The following ERC1 variants were observed in gnomAD, a reference collection of about 807,000 sequenced individuals.
The protein encoded by ERC1 is ELKS/RAB6-interacting/CAST family member 1.
In ERC1, 56 loss-of-function variants were observed where a neutral mutation model predicts 132.0. That is an observed-to-expected ratio of 0.42 (90% CI 0.34 to 0.53). The LOEUF (loss-of-function observed/expected upper bound fraction) is 0.53. ERC1 is among the 20% of genes least tolerant of loss of function. The pLI is 0.03. For missense variants in ERC1, 1,202 were observed against 1,349.9 expected (o/e 0.89, Z 1.72); for synonymous variants, 478 against 476.1 (o/e 1.00, Z -0.05).
At chr12:1,018,244 C>T (rs1199169400) in intron 1 of ERC1, among the ~76,000 whole-genome samples, 1 of 152,102 alleles carries the variant, frequency 6.6e-6, no homozygotes, top group South Asian at 2.1e-4. Context: ...CTCTGTTGCC[C>T]AGGCTGGAGT....
At chr12:1,362,788 G>A (rs936925171) in intron 15 of ERC1, among the ~76,000 whole-genome samples, 3 of 152,048 alleles carry the variant, frequency 2.0e-5, no homozygotes, top group Admixed American at 6.6e-5. Flanking sequence ...TATGGATGGC[G>A]GTGACAGTTG....
intron 15 of ERC1, among the ~76,000 whole-genome samples, chr12:1,369,036 A>G (rs1301036391): frequency 6.6e-6 from 1 of 152,184 alleles, no homozygotes; most frequent in Non-Finnish European, 1.5e-5. Flanking sequence ...TGTATAGTCC[A>G]TAGCATATTA....
chr12:1,023,972 G>A (rs1037400814), intron 1 of ERC1, among the ~76,000 whole-genome samples: 2 of 152,192 alleles, frequency 1.3e-5, no homozygotes, highest in African/African-American at 4.8e-5. Context: ...GTTAAGGATG[G>A]TTGTTGCTGT....
intron 15 of ERC1, among the ~76,000 whole-genome samples, chr12:1,309,714 C>CTT (rs201086756): frequency 3.0e-5 from 4 of 135,294 alleles, no homozygotes; most frequent in Non-Finnish European, 6.3e-5. Context: ...TGCACTCTGA[C>CTT]TTTTTTTTTT....
chr12:1,372,044 T>C (rs2087300865), intron 16 of ERC1, 67 bp downstream of exon 16: 2 of 1,558,644 alleles, frequency 1.3e-6, no homozygotes, highest in East Asian at 4.5e-5. Context: ...CACAGGTCTT[T>C]GCCAGCTTGT....
chr12:1,134,926 C>G (rs187433577), intron 7 of ERC1, among the ~76,000 whole-genome samples: 7 of 152,158 alleles, frequency 4.6e-5, no homozygotes, highest in Non-Finnish European at 1.0e-4. Flanking sequence ...CAAGGTTTCT[C>G]CCTGTTGGTC....
At chr12:1,364,416 C>T (rs1251929665) in intron 15 of ERC1, among the ~76,000 whole-genome samples, 3 of 152,186 alleles carry the variant, frequency 2.0e-5, no homozygotes, top group African/African-American at 7.2e-5. Context: ...TGTGTACCCT[C>T]TGCCTGCTGG....
intron 8 of ERC1, among the ~76,000 whole-genome samples, chr12:1,179,652 C>T (rs200086274): frequency 4.9e-3 from 682 of 137,922 alleles, no homozygotes; most frequent in Non-Finnish European, 5.7e-3. Context: ...GGACTACAGG[C>T]GCCCGCCACT....
At chr12:1,322,820 A>G (rs943845489) in intron 15 of ERC1, among the ~76,000 whole-genome samples, 1 of 152,222 alleles carries the variant, frequency 6.6e-6, no homozygotes, top group Middle Eastern at 3.4e-3. Context: ...TAATTTGTCC[A>G]TTTTAGAACA....
chr12:1,354,554 G>C (rs2154368037), intron 15 of ERC1, among the ~76,000 whole-genome samples: 1 of 152,066 alleles, frequency 6.6e-6, no homozygotes, highest in East Asian at 1.9e-4. Context: ...AAGGTGCCTA[G>C]TAGAATATCT....
chr12:1,037,295 T>C (rs1235707429), intron 2 of ERC1, among the ~76,000 whole-genome samples: 1 of 152,190 alleles, frequency 6.6e-6, no homozygotes, highest in Non-Finnish European at 1.5e-5. Flanking sequence ...GAAATAAAAT[T>C]GTTTTTAGAG....
Position 1,246,972 on chromosome 12 carries a change from A to G in ERC1, c.2487+10068A>G, listed in dbSNP as rs564878285. Among the ~76,000 whole-genome samples the G allele has an allele frequency of 2.6e-3, 399 of 152,306 alleles. 2 individuals carry two copies. The highest frequency in any genetic ancestry group is 2.5e-3 in the Non-Finnish European group (168 of 68,016). On this transcript the variant is annotated intron_variant, in intron 13 of 18. Coordinates refer to ENST00000360905, the MANE Select transcript of ERC1 (RefSeq NM_178040.4). ...ATTAAAGCAGATTTCAGGAAAAGGA[A>G]CAGAAAATTAGCTGGGTATAGTGGT...
At chr12:1,485,975 A>G (rs1247755151) in intron 18 of ERC1, among the ~76,000 whole-genome samples, 2 of 152,244 alleles carry the variant, frequency 1.3e-5, no homozygotes, top group African/African-American at 4.8e-5. Flanking sequence ...GGTATAAGCA[A>G]GAATACAACC....
At chr12:1,270,212 C>T (rs753255583) in intron 14 of ERC1, among the ~76,000 whole-genome samples, 2 of 151,998 alleles carry the variant, frequency 1.3e-5, no homozygotes, top group Non-Finnish European at 2.9e-5. Flanking sequence ...GAACCCTTAT[C>T]TTCCTTTTTT....
intron 6 of ERC1, among the ~76,000 whole-genome samples, chr12:1,114,541 A>G (rs941788923): frequency 3.3e-4 from 50 of 152,196 alleles, no homozygotes; most frequent in Admixed American, 1.2e-3. Context: ...CAAAATATTC[A>G]TTCATACAAC....
chr12:1,487,372 ATTTTTTTTTTTT>A (rs574707385), intron 18 of ERC1, among the ~76,000 whole-genome samples: 7 of 57,924 alleles, frequency 1.2e-4, no homozygotes, highest in Admixed American at 1.0e-3. Context: ...AAGCATCTAG[ATTTTTTTTTTTT>A]TTTTTTTTTT....
intron 12 of ERC1, among the ~76,000 whole-genome samples, chr12:1,209,249 G>A (rs1241493466): frequency 6.6e-6 from 1 of 152,072 alleles, no homozygotes; most frequent in Non-Finnish European, 1.5e-5. Flanking sequence ...GATTACAGGC[G>A]TGATAAACTG....
chr12:1,133,351 T>C (rs1405567187), intron 7 of ERC1, among the ~76,000 whole-genome samples: 2 of 152,326 alleles, frequency 1.3e-5, no homozygotes, highest in East Asian at 3.9e-4. Flanking sequence ...TCCTTAACTG[T>C]GTAGAAGGGT....
In ERC1 at chr12:1,106,352, T is replaced by C. The variant is rs771526093; in HGVS notation, c.1161+1528T>C. The stretch of plus-strand genomic sequence containing the variant: ...GTTAGGGACCTCCCCCCACAACTAC[T>C]TCTTCATATCCTCTAGAAAGCTCAA... On this transcript the variant is annotated intron_variant, in intron 4 of 18. Transcript: ENST00000360905. Among the ~76,000 whole-genome samples, 26 of 152,242 alleles carry C rather than the reference T, an allele frequency of 1.7e-4. 1 individual carries two copies. The highest frequency in any genetic ancestry group is 6.3e-3 in the Middle Eastern group (2 of 316).
Sources: gnomAD v4.1 joint callset for allele counts (sites outside exome capture counted in the v4.1 genomes callset) on GRCh38, gnomAD v4.1.1 for gene constraint, MANE v1.5 for transcripts, NCBI Gene and HGNC (gene_info 2026-07-23, HGNC 2026-07-21) for gene names.